Variants in BRINP3 observed in about 807,000 individuals in gnomAD.
The protein encoded by BRINP3 is BMP/retinoic acid inducible neural specific 3.
In BRINP3, 19 loss-of-function variants were observed where a neutral mutation model predicts 71.0. The observed-to-expected ratio is 0.27, with a 90% CI of 0.19 to 0.39. The LOEUF is 0.39. Among genes scored for constraint, BRINP3 ranks in the 10% least tolerant of loss-of-function variants. The probability of loss-of-function intolerance (pLI) is 1.00; values close to 1 mark genes in which losing one functional copy is unlikely to be tolerated. For missense variants in BRINP3, 959 were observed against 940.8 expected (o/e 1.02, Z -0.25); for synonymous variants, 380 against 337.7 (o/e 1.13, Z -1.37).
chr1:190,128,620 C>G (rs1654281555), intron 7 of BRINP3, among the ~76,000 whole-genome samples: 1 of 151,660 alleles, frequency 6.6e-6, no homozygotes, highest in Admixed American at 6.6e-5. Flanking sequence ...GATATAATTC[C>G]ACACTCAATA....
chr1:190,305,166 A>ATATAAG (rs766246094), intron 2 of BRINP3, among the ~76,000 whole-genome samples: 17 of 152,050 alleles, frequency 1.1e-4, no homozygotes, highest in Non-Finnish European at 1.0e-4. Flanking sequence ...TGCTGGCATT[A>ATATAAG]GTATAGCAAT....
At chr1:190,320,509 T>A (rs1283150630) in intron 2 of BRINP3, among the ~76,000 whole-genome samples, 1 of 152,142 alleles carries the variant, frequency 6.6e-6, no homozygotes, top group East Asian at 1.9e-4. Flanking sequence ...AATATTTGTT[T>A]TATAACAATT....
chr1:190,310,642 A>G (rs569525601), intron 2 of BRINP3, among the ~76,000 whole-genome samples: 21 of 151,666 alleles, frequency 1.4e-4, no homozygotes, highest in Non-Finnish European at 2.4e-4. Context: ...TGTAATTATC[A>G]TAACTTTCTC....
intron 2 of BRINP3, among the ~76,000 whole-genome samples, chr1:190,393,759 G>A (rs1353191634): frequency 6.6e-6 from 1 of 151,504 alleles, no homozygotes; most frequent in Non-Finnish European, 1.5e-5. Context: ...TGGAGTGCAT[G>A]TATTACTCTC....
intron 2 of BRINP3, among the ~76,000 whole-genome samples, chr1:190,357,434 A>C (rs1668808119): frequency 1.3e-5 from 2 of 151,976 alleles, no homozygotes; most frequent in African/African-American, 4.8e-5. Context: ...GATTATTATT[A>C]GTTTAAAATT....
chr1:190,287,238 CA>C (rs774598586), intron 2 of BRINP3, among the ~76,000 whole-genome samples: 9 of 151,852 alleles, frequency 5.9e-5, no homozygotes, highest in Non-Finnish European at 1.0e-4. Context: ...AAAACAAAAA[CA>C]AAAACATTCT....
At position 190,097,872 on chromosome 1, in the gene BRINP3, G is replaced by A. The variant is rs1651339671; in HGVS notation, c.*146C>T. On this transcript the variant is annotated 3_prime_UTR_variant, in exon 8 of 8. Transcript: ENST00000367462. The stretch of plus-strand genomic sequence containing the variant: ...ATATATTCATTGTCAGCAAGTTCAT[G>A]TGTGTAAATTGCCATCCAATGTTAT... 2 of 856,926 alleles carry A rather than the reference G, an allele frequency of 2.3e-6. No homozygotes were observed. The highest frequency in any genetic ancestry group is 3.4e-5 in the African/African-American group (2 of 58,958). 53.1% of individuals were successfully genotyped at this position (856,926 alleles called of 1,614,324 possible). A position where few individuals can be genotyped will look rare whatever the true frequency, so the allele number is the denominator to read the frequency against.
intron 6 of BRINP3, among the ~76,000 whole-genome samples, chr1:190,202,285 T>A (rs1038857486): frequency 6.6e-6 from 1 of 152,116 alleles, no homozygotes; most frequent in African/African-American, 2.4e-5. Context: ...AGCTACTTTG[T>A]TTTGGCCAGT....
At chr1:190,281,027 A>G (rs1662996762) in intron 3 of BRINP3, among the ~76,000 whole-genome samples, 1 of 151,950 alleles carries the variant, frequency 6.6e-6, no homozygotes, top group Non-Finnish European at 1.5e-5. Context: ...TTACAAATGT[A>G]TACATTTACA....
At chr1:190,162,610 G>T (rs1651107515) in intron 6 of BRINP3, among the ~76,000 whole-genome samples, 1 of 152,072 alleles carries the variant, frequency 6.6e-6, no homozygotes, top group Non-Finnish European at 1.5e-5. Context: ...TCATTTCATT[G>T]TCATCTTTAC....
chr1:190,267,719 T>A (rs540061293), intron 3 of BRINP3, among the ~76,000 whole-genome samples: 1 of 152,046 alleles, frequency 6.6e-6, no homozygotes, highest in African/African-American at 2.4e-5. Context: ...ATTGACAGAA[T>A]AAATATATAA....
At chr1:190,213,904 A>T (rs575301626) in intron 6 of BRINP3, among the ~76,000 whole-genome samples, 1 of 152,222 alleles carries the variant, frequency 6.6e-6, no homozygotes, top group Non-Finnish European at 1.5e-5. Flanking sequence ...ACTGCTAAAA[A>T]TAATGAAGTT....
At chr1:190,455,228 G>C (rs1020388144) in intron 1 of BRINP3, among the ~76,000 whole-genome samples, 2 of 151,962 alleles carry the variant, frequency 1.3e-5, no homozygotes, top group Admixed American at 1.3e-4. Flanking sequence ...ATCAGAAGTT[G>C]AATGTTTTAT....
In BRINP3 at chr1:190,400,133, C is replaced by T. The variant is rs565864971; in HGVS notation, c.236+54522G>A. Among the ~76,000 whole-genome samples the T allele has an allele frequency of 8.5e-5, 13 of 152,102 alleles. No homozygotes were observed. In the South Asian group the frequency reaches 2.7e-3, roughly 32 times the overall value. On this transcript the variant is annotated intron_variant, in intron 2 of 7. Coordinates refer to ENST00000367462, the MANE Select transcript of BRINP3 (RefSeq NM_199051.3). ...CCATGTGAAGATGTGACTGAAAACA[C>T]CTGATATGACATAGAAATGAAAGCT...
chr1:190,271,626 G>A (rs998766655), intron 3 of BRINP3, among the ~76,000 whole-genome samples: 2 of 151,412 alleles, frequency 1.3e-5, no homozygotes, highest in Non-Finnish European at 3.0e-5. Flanking sequence ...CTGTCCTATA[G>A]TCTGCAATGA....
At chr1:190,330,096 T>A (rs1284644524) in intron 2 of BRINP3, among the ~76,000 whole-genome samples, 3 of 151,988 alleles carry the variant, frequency 2.0e-5, no homozygotes, top group Admixed American at 2.0e-4. Context: ...ATGACTATGT[T>A]CACAAAAGCA....
At chr1:190,301,210 T>TATATATATATACACACATAC (rs1664697083) in intron 2 of BRINP3, among the ~76,000 whole-genome samples, 8 of 107,828 alleles carry the variant, frequency 7.4e-5, no homozygotes, top group Admixed American at 3.1e-4. Context: ...CATACATATA[T>TATATATATATACACACATAC]ATATATATAT....
At chr1:190,180,110 T>C (rs904128715) in intron 6 of BRINP3, among the ~76,000 whole-genome samples, 1 of 152,078 alleles carries the variant, frequency 6.6e-6, no homozygotes, top group African/African-American at 2.4e-5. Context: ...GCCTTTGACC[T>C]GGGGACAGGA....
chr1:190,348,365 A>T (rs930974271), intron 2 of BRINP3, among the ~76,000 whole-genome samples: 2 of 152,130 alleles, frequency 1.3e-5, no homozygotes, highest in Non-Finnish European at 2.9e-5. Context: ...GTGCTATTTG[A>T]TTAGTGTCAA....
Sources: allele counts gnomAD v4.1 joint callset (sites outside exome capture counted in the v4.1 genomes callset), GRCh38; gene constraint gnomAD v4.1.1; transcripts MANE v1.5; gene names NCBI Gene and HGNC (gene_info 2026-07-23, HGNC 2026-07-21).